Variants in PAM observed in about 807,000 individuals in gnomAD.
The protein encoded by PAM is peptidylglycine alpha-amidating monooxygenase.
In PAM, 72 loss-of-function variants were observed where a neutral mutation model predicts 122.1. That is an observed-to-expected ratio of 0.59 (90% confidence interval 0.49 to 0.72). PAM has a LOEUF of 0.72. Among genes scored for constraint, PAM ranks in the 30% least tolerant of loss-of-function variants. The pLI, the probability that PAM is intolerant of heterozygous loss-of-function variation, is 0.00. For missense variants in PAM, 1,106 were observed against 1,183.7 expected (o/e 0.93, Z 0.96); for synonymous variants, 389 against 404.4 (o/e 0.96, Z 0.46).
At chr5:102,928,736 T>C (rs1750463502) in intron 7 of PAM, among the ~76,000 whole-genome samples, 1 of 152,162 alleles carries the variant, frequency 6.6e-6, no homozygotes, top group African/African-American at 2.4e-5. Flanking sequence ...ATGAATCTGA[T>C]GTGCTTTAGG....
At chr5:102,899,203 G>T (rs1254757698) in intron 3 of PAM, among the ~76,000 whole-genome samples, 1 of 151,650 alleles carries the variant, frequency 6.6e-6, no homozygotes, top group Admixed American at 6.6e-5. Context: ...ATTGCTAGAA[G>T]AAAGACATTT....
upstream of PAM, chr5:102,755,162 G>C (rs527332368): frequency 3.7e-4 from 56 of 152,426 alleles, no homozygotes; most frequent in African/African-American, 1.3e-3. Context: ...CCCAGGAGTC[G>C]AGGGCGAGCG....
At chr5:102,889,049 T>A (rs1472310106) in intron 3 of PAM, among the ~76,000 whole-genome samples, 8 of 151,938 alleles carry the variant, frequency 5.3e-5, no homozygotes, top group Non-Finnish European at 1.2e-4. Context: ...TTTATAATTT[T>A]TAAAATACTA....
intron 10 of PAM, 141 bp from the exon 11 acceptor site, chr5:102,949,761 A>G: frequency 1.5e-6 from 1 of 686,438 alleles, no homozygotes. Flanking sequence ...ATGCTGTTTT[A>G]TCATATTGTT....
At chr5:103,023,505 C>CAAAAAAAAA (rs55641270) in intron 23 of PAM, among the ~76,000 whole-genome samples, 1 of 115,880 alleles carries the variant, frequency 8.6e-6, no homozygotes, top group Non-Finnish European at 1.9e-5. Flanking sequence ...CTATAGCAAC[C>CAAAAAAAAA]AAAAAAAAAA....
At chr5:102,889,964 T>C (rs1794308185) in intron 3 of PAM, among the ~76,000 whole-genome samples, 2 of 152,076 alleles carry the variant, frequency 1.3e-5, no homozygotes, top group Admixed American at 1.3e-4. Flanking sequence ...GAAAAGAGTA[T>C]TTTTATATCT....
At chr5:103,015,230 T>C (rs1161339236) in intron 21 of PAM, among the ~76,000 whole-genome samples, 2 of 152,172 alleles carry the variant, frequency 1.3e-5, no homozygotes, top group East Asian at 1.9e-4. Context: ...AACATAAACA[T>C]TGTGCAACTT....
In PAM at chr5:102,948,359, A is replaced by G. The variant is rs781400746; in HGVS notation, c.576-19A>G. The stretch of plus-strand genomic sequence containing the variant: ...TGACTTTTTCAGGTATTTTAGAAAA[A>G]TGTTATTTTTTTCTGCAGACAGCCT... On this transcript the variant is annotated intron_variant, in intron 8 of 25. Transcript: ENST00000438793. The G allele has an allele frequency of 6.1e-6, 9 of 1,465,354 alleles. 1 individual carries two copies. The South Asian group carries it at 1.0e-4, about 17-fold the overall frequency. 90.8% of individuals were successfully genotyped at this position (1,465,354 alleles called of 1,614,324 possible).
intron 21 of PAM, among the ~76,000 whole-genome samples, chr5:103,015,617 G>T (rs1005255666): frequency 2.6e-5 from 4 of 152,122 alleles, no homozygotes; most frequent in Non-Finnish European, 5.9e-5. Context: ...TCTTCTGACT[G>T]CAAGAAGACA....
At chr5:102,949,829 A>G in intron 10 of PAM, 73 bp from the exon 11 acceptor site, 4 of 829,006 alleles carry the variant, frequency 4.8e-6, no homozygotes, top group Non-Finnish European at 8.0e-6. Flanking sequence ...ACTTTAAAGT[A>G]GGAAAGTAAA....
At chr5:102,985,756 A>G (rs1175428739) in intron 15 of PAM, among the ~76,000 whole-genome samples, 1 of 152,240 alleles carries the variant, frequency 6.6e-6, no homozygotes. Context: ...AACCAGCATT[A>G]TCTTGACTTC....
chr5:102,807,711 T>G (rs939307217), intron 1 of PAM, among the ~76,000 whole-genome samples: 2 of 152,208 alleles, frequency 1.3e-5, no homozygotes, highest in Non-Finnish European at 2.9e-5. Context: ...AAATGAAGTA[T>G]TCACCGTTAA....
intron 15 of PAM, among the ~76,000 whole-genome samples, chr5:102,988,684 AAAGAAG>A (rs1562151640): frequency 2.8e-5 from 4 of 141,892 alleles, no homozygotes; most frequent in East Asian, 2.3e-4. Flanking sequence ...AAGGGAAAAG[AAAGAAG>A]GAAAGAAAGA....
chr5:102,907,015 T>G (rs1011077960), intron 4 of PAM, among the ~76,000 whole-genome samples: 4 of 151,664 alleles, frequency 2.6e-5, no homozygotes, highest in Admixed American at 6.6e-5. Flanking sequence ...AGAAATTTAG[T>G]TTTTGTGTTG....
chr5:103,007,414 G>A (rs1779362446), intron 19 of PAM, 43 bp from the exon 20 acceptor site: 1 of 1,538,212 alleles, frequency 6.5e-7, no homozygotes, highest in Non-Finnish European at 9.0e-7. Flanking sequence ...AACTTTGGGT[G>A]ATTTTTAACA....
chr5:102,928,941 A>C (rs1195601937), intron 7 of PAM, among the ~76,000 whole-genome samples: 1 of 152,148 alleles, frequency 6.6e-6, no homozygotes, highest in Non-Finnish European at 1.5e-5. Flanking sequence ...TCACTAGGAC[A>C]TTGGTTAAAT....
At chr5:102,854,935 A>C (rs1782237385) in intron 1 of PAM, among the ~76,000 whole-genome samples, 1 of 152,254 alleles carries the variant, frequency 6.6e-6, no homozygotes, top group African/African-American at 2.4e-5. Context: ...CTAGAAATTA[A>C]GATATCTGCA....
At chr5:102,859,054 T>C (rs1293332416) in intron 1 of PAM, among the ~76,000 whole-genome samples, 1 of 152,228 alleles carries the variant, frequency 6.6e-6, no homozygotes, top group African/African-American at 2.4e-5. Flanking sequence ...TGATTGTGTA[T>C]AGTACGTAAT....
chr5:102,938,774 C>T (rs1384258755), intron 7 of PAM, among the ~76,000 whole-genome samples: 2 of 152,122 alleles, frequency 1.3e-5, no homozygotes, highest in Admixed American at 1.3e-4. Context: ...CTGGCACAGT[C>T]TAAAATTAGG....
Sources: allele counts gnomAD v4.1 joint callset (sites outside exome capture counted in the v4.1 genomes callset), GRCh38; gene constraint gnomAD v4.1.1; transcripts MANE v1.5; gene names NCBI Gene and HGNC (gene_info 2026-07-23, HGNC 2026-07-21).